ATP8A1: variants seen among roughly 807,000 people sequenced by gnomAD.
The protein encoded by ATP8A1 is phospholipid-transporting ATPase IA.
ATP8A1 carries 90 observed loss-of-function variants against 177.7 expected under a neutral mutation model. That is an observed-to-expected ratio of 0.51 (90% CI 0.43 to 0.60). The LOEUF is 0.60. Among genes scored for constraint, ATP8A1 ranks in the 20% least tolerant of loss-of-function variants. The probability of loss-of-function intolerance (pLI) is 0.00; values close to 1 mark genes in which losing one functional copy is unlikely to be tolerated. For synonymous variants in ATP8A1, 493 were observed against 485.9 expected, an observed-to-expected ratio of 1.01 and a Z score of -0.19; for missense variants, 1,072 against 1,392.8, an observed-to-expected ratio of 0.77 and a Z score of 3.67.
At chr4:42,574,851 A>C (rs1732281054) in intron 13 of ATP8A1, 144 bp from the exon 14 acceptor site, 1 of 596,428 alleles carries the variant, frequency 1.7e-6, no homozygotes, top group South Asian at 2.2e-5. Context: ...TTATCAAGGA[A>C]TATATTCAGC....
chr4:42,565,160 T>C (rs1003809533), intron 15 of ATP8A1, among the ~76,000 whole-genome samples: 1 of 152,226 alleles, frequency 6.6e-6, no homozygotes, highest in African/African-American at 2.4e-5. Context: ...CTTGGGTATG[T>C]CTTTATCAGT....
chr4:42,434,847 A>G (rs1715731609), intron 33 of ATP8A1, among the ~76,000 whole-genome samples: 1 of 152,230 alleles, frequency 6.6e-6, no homozygotes, highest in African/African-American at 2.4e-5. Flanking sequence ...AAGTACACTA[A>G]GGTTGGCAGT....
intron 35 of ATP8A1, among the ~76,000 whole-genome samples, chr4:42,420,692 T>C (rs1713801834): frequency 1.3e-5 from 2 of 152,242 alleles, no homozygotes; most frequent in South Asian, 2.1e-4. Context: ...CTACTAAGGA[T>C]AGTAACAGTA....
In ATP8A1 at chr4:42,524,820, C is replaced by T; in HGVS notation, c.1750G>A (p.Glu584Lys). 2 of 1,609,776 alleles carry T rather than the reference C, an allele frequency of 1.2e-6. No individual in the cohort carries two copies. Among genetic ancestry groups the T allele is most frequent in the Non-Finnish European group, 1.7e-6 (2 of 1,178,146 alleles). Residue 584 changes from glutamate (E) to lysine (K), a missense_variant, in exon 21 of 37, where the codon GAG becomes AAG. Physicochemically the swap from Glu to Lys is moderately conservative, Grantham distance 56. Around this residue, in one of 5 missense-constraint regions of ATP8A1, gnomAD observed 388 missense variants for 471.7 expected, o/e 0.82. Coordinates refer to ENST00000381668, the MANE Select transcript of ATP8A1 (RefSeq NM_006095.2). ...ADTVIYDRLA[E>K]TSKYKEITLK... ...GTAATTTCTTTGTATTTTGACGTCT[C>T]TGCCAGTCGATCATAAATTACAGTG...
At chr4:42,592,214 C>A (rs2109371778) in intron 6 of ATP8A1, among the ~76,000 whole-genome samples, 1 of 152,190 alleles carries the variant, frequency 6.6e-6, no homozygotes, top group South Asian at 2.1e-4. Context: ...AAAATATAAT[C>A]TTGGAGGAAG....
At chr4:42,614,207 G>A (rs922486735) in intron 5 of ATP8A1, among the ~76,000 whole-genome samples, 1 of 152,080 alleles carries the variant, frequency 6.6e-6, no homozygotes, top group African/African-American at 2.4e-5. Flanking sequence ...CAGAAGGGTG[G>A]AGCACCTGTG....
Position 42,422,794 on chromosome 4 carries a change from C to G in ATP8A1, c.3305+13G>C. On this transcript the variant is annotated intron_variant, in intron 35 of 36. Transcript: ENST00000381668. ...GTTCATTTGGAAAAGAATATATTCA[C>G]TGTGTATTTTACCTTTTTCCAAGTA... is the stretch of plus-strand genomic sequence containing the variant. 6.3e-7 allele frequency: 1 copy of G among 1,593,952 alleles called. No homozygotes were observed. Among genetic ancestry groups the G allele is most frequent in the South Asian group, 1.1e-5 (1 of 90,270 alleles).
chr4:42,543,403 G>T (rs1004847487), intron 20 of ATP8A1, among the ~76,000 whole-genome samples: 2 of 152,060 alleles, frequency 1.3e-5, no homozygotes, highest in Admixed American at 1.3e-4. Flanking sequence ...TTTAACTGGA[G>T]AAATTCAGTT....
chr4:42,570,283 T>C (rs1731773573), intron 14 of ATP8A1, among the ~76,000 whole-genome samples: 1 of 152,232 alleles, frequency 6.6e-6, no homozygotes. Context: ...AAAGGGCTTT[T>C]GTGCCTGCTT....
At chr4:42,479,941 T>C (rs1312930118) in intron 25 of ATP8A1, among the ~76,000 whole-genome samples, 1 of 151,636 alleles carries the variant, frequency 6.6e-6, no homozygotes, top group African/African-American at 2.4e-5. Context: ...ATACTTTATG[T>C]ACTCTCCATT....
At chr4:42,589,254 A>G (rs73810726) in intron 7 of ATP8A1, among the ~76,000 whole-genome samples, 4,005 of 152,294 alleles carry the variant, frequency 0.026, 173 homozygotes, top group African/African-American at 0.09. Context: ...ATTCTAATCT[A>G]ATTAATGCTT....
intron 16 of ATP8A1, among the ~76,000 whole-genome samples, chr4:42,555,104 T>C (rs1219258209): frequency 2.2e-5 from 2 of 91,036 alleles, no homozygotes; most frequent in Admixed American, 2.3e-4. Context: ...TATCTATCTA[T>C]CTATCTATCT....
intron 24 of ATP8A1, among the ~76,000 whole-genome samples, chr4:42,487,895 A>G (rs2153189727): frequency 1.3e-5 from 2 of 152,260 alleles, no homozygotes; most frequent in Middle Eastern, 3.4e-3. Context: ...CAGTGACACA[A>G]AGGACCACCA....
chr4:42,631,730 C>T (rs1021374728), intron 1 of ATP8A1, among the ~76,000 whole-genome samples: 22 of 152,158 alleles, frequency 1.4e-4, no homozygotes, highest in Admixed American at 1.1e-3. Context: ...TTTCCACCTT[C>T]GAACACAAAT....
chr4:42,465,199 T>C (rs1719605198), intron 25 of ATP8A1, 123 bp from the exon 26 acceptor site: 1 of 861,856 alleles, frequency 1.2e-6, no homozygotes, highest in Non-Finnish European at 1.8e-6. Context: ...AACCTTATGA[T>C]AAAGTTTTAG....
chr4:42,566,910 T>C (rs1260405983), intron 15 of ATP8A1, among the ~76,000 whole-genome samples: 1 of 152,214 alleles, frequency 6.6e-6, no homozygotes, highest in East Asian at 1.9e-4. Flanking sequence ...GCACCAGAAC[T>C]AACACTCAGT....
intron 6 of ATP8A1, among the ~76,000 whole-genome samples, chr4:42,599,887 A>G (rs551204655): frequency 6.6e-6 from 1 of 152,314 alleles, no homozygotes; most frequent in Middle Eastern, 3.4e-3. Context: ...ACTAATAATA[A>G]TTGCTTACCT....
chr4:42,419,952 G>A (rs565894103), intron 35 of ATP8A1, among the ~76,000 whole-genome samples: 30 of 151,834 alleles, frequency 2.0e-4, no homozygotes, highest in Non-Finnish European at 2.8e-4. Context: ...GCAGTGAGCC[G>A]AGATTGTGCC....
intron 1 of ATP8A1, among the ~76,000 whole-genome samples, chr4:42,653,434 T>G (rs1203556202): frequency 6.6e-6 from 1 of 152,236 alleles, no homozygotes; most frequent in Non-Finnish European, 1.5e-5. Context: ...TAACAGTAGT[T>G]GAAGTTCAGT....
Sources: allele counts gnomAD v4.1 joint callset (sites outside exome capture counted in the v4.1 genomes callset), GRCh38; gene constraint gnomAD v4.1.1; regional missense constraint gnomAD v4.1.1; transcripts MANE v1.5; gene names NCBI Gene and HGNC (gene_info 2026-07-23, HGNC 2026-07-21).